DCC: variants seen among roughly 807,000 people sequenced by gnomAD.
DCC encodes the protein netrin receptor DCC.
DCC carries 58 observed loss-of-function variants against 172.5 expected under a neutral mutation model. The ratio of observed to expected loss-of-function variants is 0.34; its 90% confidence interval spans 0.27 to 0.42. The LOEUF is 0.42. Ranked by LOEUF, DCC falls within the 10% of genes least tolerant of loss-of-function variation. The pLI, the probability that DCC is intolerant of heterozygous loss-of-function variation, is 1.00. For missense variants in DCC, 1,740 were observed against 1,791.0 expected (o/e 0.97, Z 0.51); for synonymous variants, 709 against 644.5 (o/e 1.10, Z -1.52).
At chr18:52,471,512 T>C (rs971783130) in intron 1 of DCC, among the ~76,000 whole-genome samples, 1 of 152,132 alleles carries the variant, frequency 6.6e-6, no homozygotes, top group Non-Finnish European at 1.5e-5. Context: ...TCGACTTAGG[T>C]AAATGTAAAT....
intron 1 of DCC, among the ~76,000 whole-genome samples, chr18:52,489,363 A>G (rs947007317): frequency 6.6e-6 from 1 of 152,128 alleles, no homozygotes; most frequent in Admixed American, 6.6e-5. Context: ...TTATTATTAC[A>G]CACTACAGAG....
intron 1 of DCC, among the ~76,000 whole-genome samples, chr18:52,550,084 T>C (rs1048239657): frequency 6.6e-6 from 1 of 152,052 alleles, no homozygotes; most frequent in African/African-American, 2.4e-5. Context: ...GTTGATAGTA[T>C]GTACCCTTTG....
intron 12 of DCC, among the ~76,000 whole-genome samples, chr18:53,245,160 G>T (rs901660353): frequency 2.6e-5 from 4 of 152,004 alleles, no homozygotes; most frequent in East Asian, 1.9e-4. Context: ...CTATATTTTT[G>T]CAGAAAAGAA....
At chr18:52,431,057 C>T (rs1429381592) in intron 1 of DCC, among the ~76,000 whole-genome samples, 6 of 152,106 alleles carry the variant, frequency 3.9e-5, no homozygotes, top group African/African-American at 1.2e-4. Flanking sequence ...CTTCCACTTG[C>T]CCTTAATACC....
chr18:52,345,802 G>A (rs1046779996), intron 1 of DCC, among the ~76,000 whole-genome samples: 13 of 150,264 alleles, frequency 8.7e-5, no homozygotes, highest in African/African-American at 2.7e-4. Flanking sequence ...GAGTTAAACT[G>A]TACTCTAAAA....
chr18:53,322,257 T>G, intron 14 of DCC, 100 bp downstream of exon 14: 2 of 734,978 alleles, frequency 2.7e-6, no homozygotes, highest in Non-Finnish European at 5.0e-6. Context: ...TTTGGGGACA[T>G]TGATTCTTAC....
At chr18:52,681,066 C>T (rs2035742361) in intron 1 of DCC, among the ~76,000 whole-genome samples, 1 of 152,036 alleles carries the variant, frequency 6.6e-6, no homozygotes, top group Non-Finnish European at 1.5e-5. Flanking sequence ...CTATATCAGA[C>T]TTTATGTTAT....
intron 5 of DCC, among the ~76,000 whole-genome samples, chr18:52,979,755 C>T (rs1161997944): frequency 6.6e-6 from 1 of 152,176 alleles, no homozygotes; most frequent in Non-Finnish European, 1.5e-5. Context: ...CATATCCAGT[C>T]AGATTGGCAG....
At chr18:52,907,479 C>T (rs925258079) in intron 3 of DCC, among the ~76,000 whole-genome samples, 5 of 151,952 alleles carry the variant, frequency 3.3e-5, no homozygotes, top group African/African-American at 7.2e-5. Flanking sequence ...TGCAGTGGTG[C>T]GATCACAGCT....
At chr18:52,904,959 A>T (rs946134748) in intron 2 of DCC, among the ~76,000 whole-genome samples, 2 of 152,146 alleles carry the variant, frequency 1.3e-5, no homozygotes, top group Non-Finnish European at 2.9e-5. Flanking sequence ...GTAATAATTT[A>T]AAAAAACACA....
chr18:52,990,986 A>C (rs1419170040), intron 5 of DCC, among the ~76,000 whole-genome samples: 1 of 152,220 alleles, frequency 6.6e-6, no homozygotes, highest in East Asian at 1.9e-4. Context: ...GCATTGAGCC[A>C]AGACAGGTTA....
intron 1 of DCC, among the ~76,000 whole-genome samples, chr18:52,581,550 G>A (rs1448688613): frequency 6.6e-6 from 1 of 152,142 alleles, no homozygotes; most frequent in African/African-American, 2.4e-5. Flanking sequence ...TAAGAAAAGA[G>A]ATAAGAATCT....
At chr18:52,913,457 C>T (rs961754598) in intron 3 of DCC, among the ~76,000 whole-genome samples, 4 of 151,978 alleles carry the variant, frequency 2.6e-5, no homozygotes, top group Admixed American at 1.3e-4. Flanking sequence ...TCATGTCTAT[C>T]ATTCTAAAAT....
At position 53,363,603 on chromosome 18, in the gene DCC, T is replaced by C. The variant is rs892478032; in HGVS notation, c.2360-22440T>C. Among the ~76,000 whole-genome samples the C allele has an allele frequency of 1.5e-4, 23 of 152,282 alleles. No individual in the cohort carries two copies. The East Asian group carries it at 4.4e-3, about 29-fold the overall frequency. On this transcript the variant is annotated intron_variant, in intron 15 of 28. Transcript: ENST00000442544. ...CGGCATAGACATTTACACACACATA[T>C]GGTCGCTTTGAACTTCTCCCACAGG...
intron 27 of DCC, among the ~76,000 whole-genome samples, chr18:53,512,442 C>T (rs1458980631): frequency 8.6e-5 from 13 of 151,384 alleles, no homozygotes; most frequent in South Asian, 4.2e-4. Context: ...TCACCAGCAA[C>T]GGAACAAAGC....
chr18:53,433,990 CAGTT>C (rs1425136973), intron 21 of DCC, among the ~76,000 whole-genome samples: 1 of 152,098 alleles, frequency 6.6e-6, no homozygotes, highest in African/African-American at 2.4e-5. Context: ...AATATAGAGT[CAGTT>C]AACAGGATTC....
chr18:52,486,563 A>G (rs2030236140), intron 1 of DCC, among the ~76,000 whole-genome samples: 1 of 152,172 alleles, frequency 6.6e-6, no homozygotes, highest in East Asian at 1.9e-4. Flanking sequence ...TTTAATCAAC[A>G]AAGATGGATA....
At chr18:53,279,197 C>G (rs368030124) in intron 12 of DCC, among the ~76,000 whole-genome samples, 1 of 152,010 alleles carries the variant, frequency 6.6e-6, no homozygotes, top group Non-Finnish European at 1.5e-5. Flanking sequence ...CACATGCACA[C>G]GTATGCTTAT....
At chr18:52,916,171 C>T (rs565275223) in intron 3 of DCC, among the ~76,000 whole-genome samples, 1 of 150,570 alleles carries the variant, frequency 6.6e-6, no homozygotes, top group African/African-American at 2.4e-5. Context: ...ATGGTAAACA[C>T]TTCTGAGGTC....
Sources: allele counts gnomAD v4.1 joint callset (sites outside exome capture counted in the v4.1 genomes callset), GRCh38; gene constraint gnomAD v4.1.1; transcripts MANE v1.5; gene names NCBI Gene and HGNC (gene_info 2026-07-23, HGNC 2026-07-21).